The following LTBP4 variants were observed in gnomAD, a reference collection of about 807,000 sequenced individuals.
LTBP4 encodes the protein latent transforming growth factor beta binding protein 4.
A neutral mutation model predicts 180.2 loss-of-function variants in LTBP4; 93 were observed. The observed-to-expected ratio is 0.52, with a 90% CI of 0.44 to 0.61. LTBP4 has a LOEUF of 0.61. Ranked by LOEUF, LTBP4 falls within the 20% of genes least tolerant of loss-of-function variation. The pLI is 0.00. For missense variants in LTBP4, 2,116 were observed against 2,256.5 expected (o/e 0.94, Z 1.26); for synonymous variants, 947 against 934.5 (o/e 1.01, Z -0.24).
chr19:40,613,087 T>C lies in LTBP4; in HGVS notation c.2322T>C (p.Gly774=), dbSNP rs1472761006. The C allele has an allele frequency of 1.2e-6, 2 of 1,611,402 alleles. No individual in the cohort carries two copies. Among genetic ancestry groups the C allele is most frequent in the South Asian group, 2.2e-5 (2 of 90,442 alleles). Residue 774 remains glycine (G), a synonymous_variant, in exon 16 of 30, where the codon GGT becomes GGC. Transcript: ENST00000396819. This position sits in a 1 kb window ranked among gnomAD's most constrained non-coding sequence, Gnocchi z 5.0. ...CAGATGTGGACGAATGCAGTTCGGG[T>C]GCCCCTCCCTGTGGTCCCCACGGCC... ...RCTDVDECSS[G]APPCGPHGHC...
At chr19:40,595,359 G>C (rs926692537) in intron 1 of LTBP4, among the ~76,000 whole-genome samples, 1 of 152,004 alleles carries the variant, frequency 6.6e-6, no homozygotes, top group Non-Finnish European at 1.5e-5. Context: ...GGCTTCAGGG[G>C]TTCCAGGCTC....
chr19:40,603,004 T>C lies in LTBP4; in HGVS notation c.250+1367T>C, dbSNP rs555072146. ...AAGCCCCCATTAGACCACCCTGGAG[T>C]CATGGCCCCACACTCCTACCTAAGG... On this transcript the variant is annotated intron_variant, in intron 1 of 29. Coordinates refer to ENST00000396819, the MANE Select transcript of LTBP4 (RefSeq NM_001042545.2). Among the ~76,000 whole-genome samples, 21 of 151,910 alleles carry C rather than the reference T, an allele frequency of 1.4e-4. No homozygotes were observed. The South Asian group carries it at 4.4e-3, about 32-fold the overall frequency.
upstream of LTBP4, among the ~76,000 whole-genome samples, chr19:40,596,758 C>T (rs1429256042): frequency 6.6e-6 from 1 of 152,020 alleles, no homozygotes; most frequent in Non-Finnish European, 1.5e-5. Context: ...AAAGGGGTAC[C>T]CGTGGGGGGC....
Position 40,605,525 on chromosome 19 carries a change from C to A in LTBP4, c.563C>A (p.Ala188Glu), listed in dbSNP as rs774876662. ...GCGGACGCTGAGGCGGTGGCGCGGG[C>A]GGAAGCGGCGGCGCGGGCGGAGGCG... The part of the protein sequence containing the change: ...EEADAEAVAR[A>E]EAAARAEAAA... The change falls in exon 3 of 30, where the codon GCG (alanine) becomes GAG (glutamate). Residue 188 changes from alanine to glutamate, a missense_variant. Physicochemically the swap from Ala to Glu is moderately radical, Grantham distance 107 (BLOSUM62 -1). Coordinates refer to ENST00000396819, the MANE Select transcript of LTBP4 (RefSeq NM_001042545.2). The surrounding 1 kb of genome is among the most constrained non-coding windows in gnomAD (Gnocchi z 5.5). 2.5e-6 allele frequency: 4 copies of A among 1,608,402 alleles called. No homozygotes were observed. The highest frequency in any genetic ancestry group is 1.7e-5 in the Admixed American group (1 of 59,816).
chr19:40,613,894 C>G lies in LTBP4; in HGVS notation c.2558-22C>G. Reference sequence around the variant, plus strand: ...AGGCGGAGCGGGAGGTGGGCCGGGCCTTCGGACGCCCTGTCCCGCAGACGT... The same window carrying G: ...AGGCGGAGCGGGAGGTGGGCCGGGCGTTCGGACGCCCTGTCCCGCAGACGT... On this transcript the variant is annotated intron_variant, in intron 17 of 29. Coordinates refer to ENST00000396819, the MANE Select transcript of LTBP4 (RefSeq NM_001042545.2). This position sits in a 1 kb window ranked among gnomAD's most constrained non-coding sequence, Gnocchi z 5.0. 2 of 1,613,258 alleles carry G rather than the reference C, an allele frequency of 1.2e-6. No homozygotes were observed. The highest frequency in any genetic ancestry group is 1.7e-6 in the Non-Finnish European group (2 of 1,179,756).
Position 40,607,462 on chromosome 19 carries a change from C to G in LTBP4, c.1089C>G (p.Ile363Met), listed in dbSNP as rs747914174. The change falls in exon 7 of 30, where the codon ATC (isoleucine) becomes ATG (methionine). Residue 363 changes from isoleucine to methionine, a missense_variant. Transcript: ENST00000396819. ...LPILRNITKQ[I>M]CCCSRVGKAW... is the part of the protein sequence containing the mutation. ...TTCTGCGGAACATCACTAAACAGAT[C>G]TGCTGCTGCAGCCGCGTAGGCAAGG... is the stretch of plus-strand genomic sequence containing the variant. 13 of 1,613,232 alleles carry G rather than the reference C, an allele frequency of 8.1e-6. No homozygotes were observed. Among genetic ancestry groups the G allele is most frequent in the Middle Eastern group, 1.6e-4 (1 of 6,076 alleles).
chr19:40,627,573 C>T, intron 28 of LTBP4, 132 bp from the exon 29 acceptor site: 1 of 1,317,602 alleles, frequency 7.6e-7, no homozygotes, highest in Non-Finnish European at 1.0e-6. Context: ...GGCCCCGCAG[C>T]ACCCGCCACA....
chr19:40,614,977 C>G (rs2081536701), intron 19 of LTBP4, among the ~76,000 whole-genome samples: 1 of 152,164 alleles, frequency 6.6e-6, no homozygotes, highest in Non-Finnish European at 1.5e-5. Flanking sequence ...CTTGGTCTCT[C>G]TAGACAGGGC....
chr19:40,599,160 C>T (rs1253131076), upstream of LTBP4: 2 of 1,572,110 alleles, frequency 1.3e-6, no homozygotes, highest in Admixed American at 3.8e-5. Context: ...TTCTGGGGTG[C>T]TAGGGGCCTG....
At chr19:40,615,193 C>CGGGGG (rs766440164) in intron 19 of LTBP4, 3 of 23,588 alleles carry the variant, frequency 1.3e-4, no homozygotes, top group African/African-American at 5.0e-4. Context: ...TTTGTGTCGG[C>CGGGGG]GGGGGGGGGG....
intron 22 of LTBP4, among the ~76,000 whole-genome samples, chr19:40,620,746 TGA>T (rs2081580863): frequency 8.4e-6 from 1 of 118,994 alleles, no homozygotes; most frequent in South Asian, 2.7e-4. Flanking sequence ...CCAGCCTGGG[TGA>T]GAGAGGAAGA....
At chr19:40,601,310 CGCGG>C (rs900917677), upstream of LTBP4, 22 of 958,846 alleles carry the variant, frequency 2.3e-5, no homozygotes, top group South Asian at 3.3e-4. Context: ...CGACCTCCCC[CGCGG>C]GCGGGCGGGC....
chr19:40,597,663 G>C (rs993266551), upstream of LTBP4, among the ~76,000 whole-genome samples: 1 of 151,892 alleles, frequency 6.6e-6, no homozygotes, highest in Non-Finnish European at 1.5e-5. Flanking sequence ...GGGGCAGGGG[G>C]TGGGGGGCTG....
At chr19:40,618,623 C>T (rs1325189906) in intron 21 of LTBP4, among the ~76,000 whole-genome samples, 3 of 152,150 alleles carry the variant, frequency 2.0e-5, no homozygotes, top group African/African-American at 7.2e-5. Context: ...TTAAGCAACC[C>T]TCCCTCCTTG....
At chr19:40,594,128 GGAGA>G (rs1183692051) in intron 1 of LTBP4, among the ~76,000 whole-genome samples, 4 of 151,698 alleles carry the variant, frequency 2.6e-5, no homozygotes, top group African/African-American at 9.7e-5. Context: ...AGAGAGAGAG[GGAGA>G]GAGAGAGGAG....
chr19:40,616,962 C>T lies in LTBP4; in HGVS notation c.2886C>T (p.Tyr962=). Residue 962 remains tyrosine, a synonymous_variant, in exon 20 of 30, where the codon TAC becomes TAT. Coordinates refer to ENST00000396819, the MANE Select transcript of LTBP4 (RefSeq NM_001042545.2). The stretch of plus-strand genomic sequence containing the variant: ...GTTGTGAGAACACCCCTGGCTCCTA[C>T]CGCTGCACACCAGCCTGTGACCCTG... ...AQRCENTPGS[Y]RCTPACDPGY... 6.2e-7 allele frequency: 1 copy of T among 1,614,018 alleles called. No homozygotes were observed. Among genetic ancestry groups the T allele is most frequent in the Non-Finnish European group, 8.5e-7 (1 of 1,179,890 alleles).
chr19:40,623,273 C>G (rs1287446767), intron 24 of LTBP4, among the ~76,000 whole-genome samples: 2 of 150,618 alleles, frequency 1.3e-5, no homozygotes. Context: ...CTCCTGGGTT[C>G]AAGCGATTCT....
chr19:40,601,486 C>T lies in LTBP4; in HGVS notation c.99C>T (p.Arg33=). ...PGLGRLGERL[R]VRFTPVVCGL... ...TGGGCCGGCTCGGAGAGCGTCTCCG[C>T]GTGCGCTTCACCCCGGTCGTGTGCG... is the stretch of plus-strand genomic sequence containing the variant. Residue 33 remains arginine, a synonymous_variant, in exon 1 of 30, where the codon CGC becomes CGT. Coordinates refer to ENST00000396819, the MANE Select transcript of LTBP4 (RefSeq NM_001042545.2). 1 of 1,494,812 alleles carries T rather than the reference C, an allele frequency of 6.7e-7. No homozygotes were observed. Among genetic ancestry groups the T allele is most frequent in the Non-Finnish European group, 8.9e-7 (1 of 1,128,776 alleles). 92.6% of individuals were successfully genotyped at this position (1,494,812 alleles called of 1,614,324 possible).
At position 40,629,669 on chromosome 19, in the gene LTBP4, T is replaced by TACGG; in HGVS notation, c.*123_*126dup. On this transcript the variant is annotated 3_prime_UTR_variant, in exon 30 of 30. Coordinates refer to ENST00000396819, the MANE Select transcript of LTBP4 (RefSeq NM_001042545.2). This position sits in a 1 kb window ranked among gnomAD's most constrained non-coding sequence, Gnocchi z 4.5. Reference sequence around the variant, plus strand: ...CCCGCCTGGACCTGGAGAAGGGACCTACGGACGCCTGGAAGCTGCGACGCC... The same window carrying TACGG: ...CCCGCCTGGACCTGGAGAAGGGACCTACGGACGGACGCCTGGAAGCTGCGACGCC... 1 of 1,075,898 alleles carries TACGG rather than the reference T, an allele frequency of 9.3e-7. No individual in the cohort carries two copies. Among genetic ancestry groups the TACGG allele is most frequent in the Admixed American group, 4.3e-5 (1 of 23,020 alleles). 66.6% of individuals were successfully genotyped at this position (1,075,898 alleles called of 1,614,324 possible).
Sources: allele counts gnomAD v4.1 joint callset (sites outside exome capture counted in the v4.1 genomes callset), GRCh38; gene constraint gnomAD v4.1.1; non-coding constraint Gnocchi (gnomAD v3.1); transcripts MANE v1.5; gene names NCBI Gene and HGNC (gene_info 2026-07-23, HGNC 2026-07-21).